Variants in CENPE observed in about 807,000 individuals in gnomAD.
CENPE encodes centromere protein E.
CENPE carries 145 observed loss-of-function variants against 336.1 expected under a neutral mutation model. The observed-to-expected ratio is 0.43, with a 90% CI of 0.38 to 0.50. CENPE has a LOEUF of 0.50. Among genes scored for constraint, CENPE ranks in the 20% least tolerant of loss-of-function variants. The pLI is 0.00. For synonymous variants in CENPE, 1,013 were observed against 984.8 expected (o/e 1.03, Z -0.54); for missense variants, 2,719 against 3,023.3 (o/e 0.90, Z 2.36).
At position 103,170,485 on chromosome 4, in the gene CENPE, A is replaced by G. The variant is rs188261281; in HGVS notation, c.1647+4251T>C. On this transcript the variant is annotated intron_variant, in intron 16 of 48. Coordinates refer to ENST00000265148, the MANE Select transcript of CENPE (RefSeq NM_001813.3). ...CTGTTATCAGTTTAAAATAACCTGC[A>G]TAACTGTAAGACTTTTTCTTGTAAG... Among the ~76,000 whole-genome samples the G allele has an allele frequency of 1.6e-4, 25 of 152,320 alleles. No homozygotes were observed. The East Asian group carries it at 3.3e-3, about 20-fold the overall frequency.
intron 36 of CENPE, 148 bp downstream of exon 36, chr4:103,140,666 T>C: frequency 1.5e-6 from 1 of 667,782 alleles, no homozygotes; most frequent in Non-Finnish European, 2.4e-6. Flanking sequence ...TTATGCTTAG[T>C]TTTCCATTAT....
rs558288787 is a variant in CENPE, at chr4:103,144,656, AT to A, written c.4858-39del. 1,116 of 1,424,622 alleles carry A rather than the reference AT, an allele frequency of 7.8e-4. 10 individuals are homozygous for A. The African/African-American group carries it at 0.014, about 18-fold the overall frequency. 88.2% of individuals were successfully genotyped at this position (1,424,622 alleles called of 1,614,324 possible). A position where few individuals can be genotyped will look rare whatever the true frequency, so the allele number is the denominator to read the frequency against. On this transcript the variant is annotated intron_variant, in intron 32 of 48. Coordinates refer to ENST00000265148, the MANE Select transcript of CENPE (RefSeq NM_001813.3). The stretch of plus-strand genomic sequence containing the variant: ...TAAAGTAAGTTACAACATAGGCAGA[AT>A]TTTTTTAGGAAAAGGAAGAACTGTT...
intron 11 of CENPE, chr4:103,182,082 CT>C (rs869229169): frequency 0.013 from 1,895 of 142,128 alleles, 27 homozygotes; most frequent in African/African-American, 0.037. Context: ...TTTTCCTTTC[CT>C]TTTTTTTTTT....
intron 24 of CENPE, among the ~76,000 whole-genome samples, chr4:103,157,308 T>G (rs1754044821): frequency 6.6e-6 from 1 of 152,064 alleles, no homozygotes; most frequent in East Asian, 1.9e-4. Context: ...ATAGGAGCTT[T>G]ATTCACAACA....
intron 23 of CENPE, 50 bp downstream of exon 23, chr4:103,158,564 T>C: frequency 1.3e-6 from 2 of 1,540,034 alleles, no homozygotes; most frequent in Non-Finnish European, 8.7e-7. Context: ...GCCTCTGCAA[T>C]GTTTTTAAGA....
chr4:103,139,338 TATAA>T (rs1318519332), intron 38 of CENPE, among the ~76,000 whole-genome samples: 1 of 152,186 alleles, frequency 6.6e-6, no homozygotes, highest in African/African-American at 2.4e-5. Flanking sequence ...TCTGAATATC[TATAA>T]ATAGTCATAC....
chr4:103,145,825 C>T lies in CENPE; in HGVS notation c.4413+4G>A. 6.3e-7 allele frequency: 1 copy of T among 1,580,260 alleles called. No homozygotes were observed. Among genetic ancestry groups the T allele is most frequent in the Non-Finnish European group, 8.6e-7 (1 of 1,168,212 alleles). ...TTAAAAACATGGTGAAAGATGAAAC[C>T]TACTTTAGCTACAATTTCTTTTATG... is the stretch of plus-strand genomic sequence containing the variant. On this transcript the variant is annotated splice_donor_region_variant and intron_variant, in intron 30 of 48. Transcript: ENST00000265148.
At chr4:103,140,585 C>A (rs1752463596) in intron 36 of CENPE, among the ~76,000 whole-genome samples, 171 bp from the exon 37 acceptor site, 1 of 152,108 alleles carries the variant, frequency 6.6e-6, no homozygotes, top group South Asian at 2.1e-4. Flanking sequence ...GGTAGCCTCA[C>A]CCATAGCCTT....
chr4:103,187,175 T>A (rs1397974243), intron 8 of CENPE, among the ~76,000 whole-genome samples: 1 of 152,178 alleles, frequency 6.6e-6, no homozygotes, highest in Non-Finnish European at 1.5e-5. Flanking sequence ...TTTCCTACTT[T>A]GTTCCATTCT....
intron 8 of CENPE, 106 bp from the exon 9 acceptor site, chr4:103,185,967 C>G: frequency 1.4e-6 from 1 of 699,130 alleles, no homozygotes; most frequent in Non-Finnish European, 2.5e-6. Context: ...AATATTCGAT[C>G]TGTATCCATG....
intron 34 of CENPE, 82 bp downstream of exon 34, chr4:103,143,166 T>C (rs554118996): frequency 2.1e-6 from 2 of 954,058 alleles, no homozygotes; most frequent in Non-Finnish European, 3.1e-6. Flanking sequence ...CCTTCAATTT[T>C]AGGGTAATTC....
Position 103,159,287 on chromosome 4 carries a change from G to A in CENPE, c.2324C>T (p.Ser775Leu). The change falls in exon 22 of 49, where the codon TCA (serine) becomes TTA (leucine). Residue 775 changes from serine (S) to leucine (L), a missense_variant. By Grantham distance (145) the Ser-to-Leu change is moderately radical. This residue lies in a region of CENPE where 2,437 missense variants were observed against 2,513.3 expected (regional missense o/e 0.97). Transcript: ENST00000265148. ...DKSEELHIIT[S>L]EKDKLFSEVV... Reference sequence around the variant, plus strand: ...TTCAGAAAACAATTTATCTTTTTCTGATGTTATTATATGGAGCTCTTCAGA... The same window carrying A: ...TTCAGAAAACAATTTATCTTTTTCTAATGTTATTATATGGAGCTCTTCAGA... The A allele has an allele frequency of 6.4e-7, 1 of 1,565,612 alleles. No individual in the cohort carries two copies. The highest frequency in any genetic ancestry group is 2.3e-5 in the East Asian group (1 of 43,752).
intron 16 of CENPE, among the ~76,000 whole-genome samples, chr4:103,169,291 C>T (rs971219102): frequency 1.4e-5 from 2 of 147,474 alleles, no homozygotes; most frequent in Non-Finnish European, 3.0e-5. Flanking sequence ...TATGGGACAA[C>T]ATCAAAAAAG....
intron 16 of CENPE, among the ~76,000 whole-genome samples, chr4:103,169,865 A>G (rs1343426326): frequency 6.6e-6 from 1 of 152,200 alleles, no homozygotes; most frequent in African/African-American, 2.4e-5. Context: ...TTACAACAGC[A>G]AAGACTTGGA....
At chr4:103,130,074 A>C (rs1319076486) in intron 42 of CENPE, among the ~76,000 whole-genome samples, 1 of 152,226 alleles carries the variant, frequency 6.6e-6, no homozygotes, top group Non-Finnish European at 1.5e-5. Flanking sequence ...ATCATGAGGA[A>C]CTAGAAGTCT....
chr4:103,144,656 A>T, intron 32 of CENPE, 38 bp from the exon 33 acceptor site: 3 of 1,424,654 alleles, frequency 2.1e-6, no homozygotes, highest in East Asian at 2.3e-5. Context: ...CATAGGCAGA[A>T]TTTTTTTAGG....
intron 26 of CENPE, among the ~76,000 whole-genome samples, chr4:103,150,488 TG>T (rs1753447826): frequency 6.6e-6 from 1 of 151,558 alleles, no homozygotes; most frequent in South Asian, 2.1e-4. Flanking sequence ...GAGGCTGAAG[TG>T]GGAGGACAGC....
intron 42 of CENPE, among the ~76,000 whole-genome samples, chr4:103,129,953 A>G (rs1751444830): frequency 6.6e-6 from 1 of 152,190 alleles, no homozygotes; most frequent in African/African-American, 2.4e-5. Context: ...TGCAGAAAAA[A>G]TTTGTCAAAA....
At chr4:103,176,071 T>A (rs773640402) in intron 14 of CENPE, 23 bp from the exon 15 acceptor site, 20 of 1,403,250 alleles carry the variant, frequency 1.4e-5, no homozygotes, top group South Asian at 6.6e-5. Context: ...AAAAAAAAAA[T>A]TTGTCCATGA....
Sources: allele counts gnomAD v4.1 joint callset (sites outside exome capture counted in the v4.1 genomes callset), GRCh38; gene constraint gnomAD v4.1.1; regional missense constraint gnomAD v4.1.1; transcripts MANE v1.5; gene names NCBI Gene and HGNC (gene_info 2026-07-23, HGNC 2026-07-21).